Variants in FAM111B observed in about 807,000 individuals in gnomAD.
FAM111B encodes FAM111 trypsin like peptidase B, also known as serine protease FAM111B.
Under a neutral mutation model 2.8 loss-of-function variants are expected in FAM111B, and 1 was observed. The ratio of observed to expected loss-of-function variants is 0.36; its 90% CI spans 0.13 to 1.70. FAM111B has a LOEUF of 1.70. Ranked by LOEUF, FAM111B falls within the 40% of genes most tolerant of loss-of-function variation. FAM111B has a pLI of 0.35. For missense variants in FAM111B, 882 were observed against 878.9 expected (o/e 1.00, Z -0.04); for synonymous variants, 297 against 295.6 (o/e 1.00, Z -0.05).
At chr11:59,110,855 A>C (rs1045617097) in intron 3 of FAM111B, among the ~76,000 whole-genome samples, 2 of 152,204 alleles carry the variant, frequency 1.3e-5, no homozygotes, top group African/African-American at 2.4e-5. Flanking sequence ...ATGGTAGGCA[A>C]ATACTGTTTT....
At chr11:59,122,932 A>G (rs575525754) in intron 3 of FAM111B, among the ~76,000 whole-genome samples, 34 of 152,284 alleles carry the variant, frequency 2.2e-4, no homozygotes, top group African/African-American at 6.3e-4. Context: ...CTCTATTTAT[A>G]TAGACTAGAT....
In FAM111B at chr11:59,109,253, G is replaced by A. The variant is rs896057944; in HGVS notation, c.-86-287G>A. Among the ~76,000 whole-genome samples, 6 of 152,132 alleles carry A rather than the reference G, an allele frequency of 3.9e-5. No homozygotes were observed. The South Asian group carries it at 6.2e-4, about 16-fold the overall frequency. ...ATACCCACTGCAGATCTCTCATACT[G>A]TGTGCTCCTGTGGCTGTCTTCTCCC... On this transcript the variant is annotated intron_variant, in intron 2 of 3. Transcript: ENST00000343597.
chr11:59,118,698 A>G (rs1859876608), intron 3 of FAM111B, among the ~76,000 whole-genome samples: 2 of 152,152 alleles, frequency 1.3e-5, no homozygotes, highest in African/African-American at 4.8e-5. Context: ...AGTTTTTCAT[A>G]ACTGTTCTTC....
chr11:59,123,777 G>A (rs1266242732), intron 3 of FAM111B, among the ~76,000 whole-genome samples: 2 of 152,170 alleles, frequency 1.3e-5, no homozygotes, highest in Admixed American at 6.5e-5. Flanking sequence ...ATCTGCATAT[G>A]AAATAATAGA....
rs1334098835 is a variant in FAM111B at position 59,125,246 on chromosome 11, G to A, written c.1149G>A (p.Glu383=). The change falls in exon 4 of 4, where the codon GAG becomes GAA. Residue 383 remains glutamate, a synonymous_variant. Transcript: ENST00000343597. ...CTATTAATCTGGATGTCCAAAAGGAGGCAATTAATCTCTTAAAGAATTATC... is the reference window on the plus strand; with the variant it reads ...CTATTAATCTGGATGTCCAAAAGGAAGCAATTAATCTCTTAAAGAATTATC... The part of the protein sequence containing the change: ...RYAINLDVQK[E]AINLLKNYQT... 1 of 1,613,828 alleles carries A rather than the reference G, an allele frequency of 6.2e-7. No homozygotes were observed. Among genetic ancestry groups the A allele is most frequent in the Non-Finnish European group, 8.5e-7 (1 of 1,179,824 alleles).
intron 1 of FAM111B, among the ~76,000 whole-genome samples, chr11:59,108,203 C>G (rs1230972973): frequency 6.6e-6 from 1 of 152,130 alleles, no homozygotes; most frequent in African/African-American, 2.4e-5. Context: ...TTCATCTGAG[C>G]CAAAGTCCTT....
Position 59,109,575 on chromosome 11 carries a change from T to G in FAM111B, c.-51T>G. 1 of 1,267,610 alleles carries G rather than the reference T, an allele frequency of 7.9e-7. No individual in the cohort carries two copies. The highest frequency in any genetic ancestry group is 1.1e-6 in the Non-Finnish European group (1 of 906,258). The allele number at this position is 1,267,610 out of a possible 1,614,324, so 78.5% of individuals were successfully genotyped here. On this transcript the variant is annotated 5_prime_UTR_variant, in exon 3 of 4. Coordinates refer to ENST00000343597, the MANE Select transcript of FAM111B (RefSeq NM_198947.4). ...TGGCAGAATAAATTCAATCCTTGTT[T>G]CTCCATCTTATCGAGTAGTAGAAGT...
At chr11:59,122,776 G>A (rs1401443260) in intron 3 of FAM111B, among the ~76,000 whole-genome samples, 1 of 152,114 alleles carries the variant, frequency 6.6e-6, no homozygotes, top group East Asian at 1.9e-4. Context: ...TGGGCAATAA[G>A]TATATGAAAA....
chr11:59,108,628 ATGTTTTGCTCTTTTT>A (rs1415000110), intron 1 of FAM111B, 25 bp from the exon 2 acceptor site: 4 of 152,598 alleles, frequency 2.6e-5, no homozygotes, highest in Non-Finnish European at 4.4e-5. Flanking sequence ...ATTGTTTCAT[ATGTTTTGCTCTTTTT>A]TGTTTTGTTT....
intron 3 of FAM111B, among the ~76,000 whole-genome samples, chr11:59,110,510 C>G (rs1329227865): frequency 3.3e-5 from 5 of 152,030 alleles, no homozygotes; most frequent in Non-Finnish European, 7.4e-5. Flanking sequence ...GTTGTATACT[C>G]AAGTTCTTGC....
In FAM111B at chr11:59,125,293, T is replaced by TA; in HGVS notation, c.1196_1197insA (p.Met399IlefsTer8). The TA allele has an allele frequency of 1.2e-6, 2 of 1,613,976 alleles. No homozygotes were observed. Among genetic ancestry groups the TA allele is most frequent in the South Asian group, 2.2e-5 (2 of 91,078 alleles). On this transcript the variant is annotated frameshift_variant, in exon 4 of 4. Transcript: ENST00000343597. LOFTEE classifies it low-confidence loss of function (END_TRUNC). Reference sequence around the variant, plus strand: ...TATCAAACGTTGAATGAAGCCATAATGCATCAGTATCCGAATTTTAAAGAG... The same window carrying TA: ...TATCAAACGTTGAATGAAGCCATAATAGCATCAGTATCCGAATTTTAAAGAG...
chr11:59,116,737 C>A (rs190091941), intron 3 of FAM111B, among the ~76,000 whole-genome samples: 39 of 151,024 alleles, frequency 2.6e-4, no homozygotes, highest in Admixed American at 2.2e-3. Flanking sequence ...CAAACTGCAG[C>A]CTCAACCCAG....
chr11:59,111,728 A>G (rs1859761413), intron 3 of FAM111B, among the ~76,000 whole-genome samples: 1 of 152,186 alleles, frequency 6.6e-6, no homozygotes, highest in African/African-American at 2.4e-5. Context: ...CAGACATTCT[A>G]TTGGGCAGTA....
rs377223043 is a variant in FAM111B at position 59,125,370 on chromosome 11, C to G, written c.1273C>G (p.Leu425Val). ...YFREEQKRMNLSPAKQFNIYK... is the reference protein window; with the variant it reads ...YFREEQKRMNVSPAKQFNIYK... ...TCGGGAAGAACAAAAGAGAATGAAT[C>G]TTTCACCAGCTAAGCAATTCAACAT... Residue 425 changes from leucine (L) to valine (V), a missense_variant, in exon 4 of 4, where the codon CTT (leucine) becomes GTT (valine). Leu to Val is a conservative substitution (Grantham distance 32, BLOSUM62 1). Transcript: ENST00000343597. 1.9e-6 allele frequency: 3 copies of G among 1,613,790 alleles called. No homozygotes were observed. Among genetic ancestry groups the G allele is most frequent in the African/African-American group, 2.7e-5 (2 of 74,922 alleles).
rs777909826 is a variant in FAM111B at position 59,125,260 on chromosome 11, TAAA to T, written c.1164_1166del (p.Lys389del). ...GTCCAAAAGGAGGCAATTAATCTCT[TAAA>T]GAATTATCAAACGTTGAATGAAGCC... On this transcript the variant is annotated inframe_deletion, in exon 4 of 4. Coordinates refer to ENST00000343597, the MANE Select transcript of FAM111B (RefSeq NM_198947.4). 9 of 1,613,760 alleles carry T rather than the reference TAAA, an allele frequency of 5.6e-6. No individual in the cohort carries two copies. Among genetic ancestry groups the T allele is most frequent in the Non-Finnish European group, 7.6e-6 (9 of 1,179,844 alleles).
intron 3 of FAM111B, among the ~76,000 whole-genome samples, chr11:59,116,746 A>G (rs957507977): frequency 1.3e-5 from 2 of 150,738 alleles, no homozygotes; most frequent in Admixed American, 6.6e-5. Flanking sequence ...GCCTCAACCC[A>G]GATATATTAA....
chr11:59,116,490 G>C (rs1036247076), intron 3 of FAM111B, among the ~76,000 whole-genome samples: 1 of 152,214 alleles, frequency 6.6e-6, no homozygotes, highest in Non-Finnish European at 1.5e-5. Context: ...GCTCAGTGAA[G>C]GGACATTCAA....
chr11:59,108,966 CG>C (rs1295907929), intron 2 of FAM111B, among the ~76,000 whole-genome samples: 4 of 152,040 alleles, frequency 2.6e-5, no homozygotes, highest in African/African-American at 9.7e-5. Flanking sequence ...TTTATACTTT[CG>C]AAGCTTGCTT....
At position 59,125,602 on chromosome 11, in the gene FAM111B, C is replaced by A; in HGVS notation, c.1505C>A (p.Pro502Gln). Residue 502 changes from proline to glutamine, a missense_variant, in exon 4 of 4, where the codon CCA becomes CAA. Coordinates refer to ENST00000343597, the MANE Select transcript of FAM111B (RefSeq NM_198947.4). ...VHLMVGKNTH[P>Q]SLWPDIISKC... ...CTTATGGTGGGTAAAAACACACATC[C>A]AAGTTTGTGGCCAGATATAATTAGC... 6.2e-7 allele frequency: 1 copy of A among 1,613,836 alleles called. No homozygotes were observed. The highest frequency in any genetic ancestry group is 1.1e-5 in the South Asian group (1 of 91,072).
Sources: allele counts gnomAD v4.1 joint callset (sites outside exome capture counted in the v4.1 genomes callset), GRCh38; gene constraint gnomAD v4.1.1; transcripts MANE v1.5; gene names NCBI Gene and HGNC (gene_info 2026-07-23, HGNC 2026-07-21).